The following ZNF804A variants were observed in gnomAD, a reference collection of about 807,000 sequenced individuals.
ZNF804A encodes zinc finger protein 804A.
Under a neutral mutation model 16.5 loss-of-function variants are expected in ZNF804A, and 2 were observed. The ratio of observed to expected loss-of-function variants is 0.12; its 90% confidence interval spans 0.05 to 0.38. The LOEUF is 0.38. ZNF804A is among the 10% of genes least tolerant of loss of function. The pLI is 0.99. For missense variants in ZNF804A, 1,473 were observed against 1,390.7 expected (o/e 1.06, Z -0.94); for synonymous variants, 534 against 489.6 (o/e 1.09, Z -1.20).
In ZNF804A at chr2:184,936,136, G is replaced by C; in HGVS notation, c.740G>C (p.Ser247Thr). 3 of 1,614,022 alleles carry C rather than the reference G, an allele frequency of 1.9e-6. No homozygotes were observed. The highest frequency in any genetic ancestry group is 2.5e-6 in the Non-Finnish European group (3 of 1,179,958). ...SDDASVGKGF[S>T]RKSRFVPSAC... ...GATGCCTCAGTGGGAAAAGGATTTAGCAGAAAAAGTAGATTTGTCCCCAGT... is the reference window on the plus strand; with the variant it reads ...GATGCCTCAGTGGGAAAAGGATTTACCAGAAAAAGTAGATTTGTCCCCAGT... The change falls in exon 4 of 4, where the codon AGC becomes ACC. Residue 247 changes from serine (S) to threonine (T), a missense_variant. Physicochemically the swap from Ser to Thr is moderately conservative, Grantham distance 58. Coordinates refer to ENST00000302277, the MANE Select transcript of ZNF804A (RefSeq NM_194250.2).
chr2:184,743,579 A>G (rs1693739840), intron 1 of ZNF804A, among the ~76,000 whole-genome samples: 1 of 151,992 alleles, frequency 6.6e-6, no homozygotes, highest in South Asian at 2.1e-4. Flanking sequence ...TTAAAATTCT[A>G]AATGAAACTG....
chr2:184,680,328 T>C (rs1692518444), intron 1 of ZNF804A, among the ~76,000 whole-genome samples: 1 of 152,170 alleles, frequency 6.6e-6, no homozygotes, highest in Non-Finnish European at 1.5e-5. Context: ...ACTGTGGGTC[T>C]CCTCTCTGCT....
intron 2 of ZNF804A, among the ~76,000 whole-genome samples, chr2:184,900,869 A>G (rs900812083): frequency 1.3e-5 from 2 of 152,178 alleles, no homozygotes; most frequent in African/African-American, 4.8e-5. Context: ...ACAAAAATGC[A>G]TGTCTTTCAT....
At chr2:184,820,267 G>A (rs115972625) in intron 1 of ZNF804A, among the ~76,000 whole-genome samples, 8 of 152,020 alleles carry the variant, frequency 5.3e-5, no homozygotes, top group African/African-American at 1.2e-4. Flanking sequence ...TTCAACATAC[G>A]CAAATCAATA....
intron 1 of ZNF804A, among the ~76,000 whole-genome samples, chr2:184,841,296 T>C (rs1695433142): frequency 6.6e-6 from 1 of 152,206 alleles, no homozygotes; most frequent in African/African-American, 2.4e-5. Flanking sequence ...AAGTAGGCTA[T>C]CAAAATATCT....
At chr2:184,600,736 A>T (rs1691031546) in intron 1 of ZNF804A, among the ~76,000 whole-genome samples, 1 of 152,230 alleles carries the variant, frequency 6.6e-6, no homozygotes. Flanking sequence ...CAACTTGTTA[A>T]AATTCTATAG....
At chr2:184,922,745 A>G (rs907091596) in intron 2 of ZNF804A, among the ~76,000 whole-genome samples, 1 of 151,972 alleles carries the variant, frequency 6.6e-6, no homozygotes, top group African/African-American at 2.4e-5. Flanking sequence ...TGCATATGGC[A>G]AAAAATAGGA....
intron 2 of ZNF804A, among the ~76,000 whole-genome samples, chr2:184,909,777 T>C (rs1226221860): frequency 6.6e-6 from 1 of 151,972 alleles, no homozygotes; most frequent in Non-Finnish European, 1.5e-5. Flanking sequence ...TGATATTTAA[T>C]AAGAAGACAA....
At chr2:184,816,539 C>T (rs1007967352) in intron 1 of ZNF804A, among the ~76,000 whole-genome samples, 3 of 152,004 alleles carry the variant, frequency 2.0e-5, no homozygotes, top group Admixed American at 1.3e-4. Flanking sequence ...AATTATTCAA[C>T]GTTCAATGTT....
At chr2:184,784,897 G>A (rs1358285828) in intron 1 of ZNF804A, among the ~76,000 whole-genome samples, 1 of 151,934 alleles carries the variant, frequency 6.6e-6, no homozygotes, top group Non-Finnish European at 1.5e-5. Flanking sequence ...GATAAACTTG[G>A]ACTTGGGAGT....
At chr2:184,726,376 C>T (rs1693409582) in intron 1 of ZNF804A, among the ~76,000 whole-genome samples, 1 of 151,422 alleles carries the variant, frequency 6.6e-6, no homozygotes, top group Non-Finnish European at 1.5e-5. Flanking sequence ...TGAAAATATT[C>T]ATTTTTGTAG....
chr2:184,690,912 GA>G (rs2105725235), intron 1 of ZNF804A, among the ~76,000 whole-genome samples: 1 of 151,502 alleles, frequency 6.6e-6, no homozygotes, highest in East Asian at 1.9e-4. Context: ...ATTTTTGTTT[GA>G]AAAAATATCT....
intron 1 of ZNF804A, among the ~76,000 whole-genome samples, chr2:184,778,074 A>G (rs961912320): frequency 3.3e-5 from 5 of 151,802 alleles, no homozygotes; most frequent in South Asian, 4.1e-4. Flanking sequence ...TTGGAATAAA[A>G]ATATGTACCC....
chr2:184,825,260 T>C (rs1355943831), intron 1 of ZNF804A, among the ~76,000 whole-genome samples: 1 of 152,106 alleles, frequency 6.6e-6, no homozygotes. Context: ...ATTAATTCAG[T>C]CATTAAGAAA....
At chr2:184,725,237 A>C (rs1203248551) in intron 1 of ZNF804A, among the ~76,000 whole-genome samples, 1 of 151,646 alleles carries the variant, frequency 6.6e-6, no homozygotes, top group African/African-American at 2.4e-5. Context: ...ATACATAGAG[A>C]GTGCTACTGA....
intron 1 of ZNF804A, among the ~76,000 whole-genome samples, chr2:184,653,300 C>T (rs1692018669): frequency 6.6e-6 from 1 of 152,092 alleles, no homozygotes; most frequent in South Asian, 2.1e-4. Context: ...TAAATGTCTA[C>T]ATTTTACTTC....
chr2:184,673,409 T>C (rs978195373), intron 1 of ZNF804A, among the ~76,000 whole-genome samples: 3 of 152,236 alleles, frequency 2.0e-5, no homozygotes, highest in African/African-American at 7.2e-5. Flanking sequence ...ACATTTACCA[T>C]ATCTTGATTA....
intron 1 of ZNF804A, among the ~76,000 whole-genome samples, chr2:184,625,864 T>A (rs528952228): frequency 3.0e-4 from 46 of 152,280 alleles, no homozygotes; most frequent in African/African-American, 9.4e-4. Context: ...TTTCTTTTTT[T>A]AATTTTATTT....
intron 2 of ZNF804A, among the ~76,000 whole-genome samples, chr2:184,893,179 A>G (rs950727222): frequency 1.3e-5 from 2 of 152,094 alleles, no homozygotes; most frequent in Non-Finnish European, 2.9e-5. Flanking sequence ...ATTAGAAAAC[A>G]TTATTATGTA....
Sources: allele counts gnomAD v4.1 joint callset (sites outside exome capture counted in the v4.1 genomes callset), GRCh38; gene constraint gnomAD v4.1.1; transcripts MANE v1.5; gene names NCBI Gene and HGNC (gene_info 2026-07-23, HGNC 2026-07-21).